Variants in LARGE1 observed in about 807,000 individuals in gnomAD.
The protein encoded by LARGE1 is xylosyl- and glucuronyltransferase LARGE1.
In LARGE1, 43 loss-of-function variants were observed where a neutral mutation model predicts 87.6. The ratio of observed to expected loss-of-function variants is 0.49; its 90% CI spans 0.38 to 0.63. The LOEUF (loss-of-function observed/expected upper bound fraction) is 0.63. Ranked by LOEUF, LARGE1 falls within the 30% of genes least tolerant of loss-of-function variation. The pLI is 0.00. For synonymous variants in LARGE1, 434 were observed against 394.6 expected, an observed-to-expected ratio of 1.10 and a Z score of -1.18; for missense variants, 802 against 1,000.2, an observed-to-expected ratio of 0.80 and a Z score of 2.67.
intron 6 of LARGE1, among the ~76,000 whole-genome samples, chr22:33,525,317 T>C (rs933652243): frequency 2.6e-5 from 4 of 152,160 alleles, no homozygotes; most frequent in East Asian, 1.9e-4. Flanking sequence ...CCCAGGCCCA[T>C]AGTACTGCCT....
intron 7 of LARGE1, among the ~76,000 whole-genome samples, chr22:33,419,932 G>C (rs576037663): frequency 6.6e-6 from 1 of 152,260 alleles, no homozygotes; most frequent in African/African-American, 2.4e-5. Context: ...GACCTCAAGT[G>C]ATCCACTCAC....
At chr22:33,864,332 A>G (rs1204087210) in intron 1 of LARGE1, among the ~76,000 whole-genome samples, 1 of 152,230 alleles carries the variant, frequency 6.6e-6, no homozygotes, top group Non-Finnish European at 1.5e-5. Flanking sequence ...AAGATGCAAT[A>G]AAGTGCTATG....
chr22:33,713,471 C>T (rs979877032), intron 2 of LARGE1, among the ~76,000 whole-genome samples: 4 of 152,130 alleles, frequency 2.6e-5, no homozygotes, highest in African/African-American at 4.8e-5. Flanking sequence ...ATTCCGCGGT[C>T]GCTGGTGGTT....
chr22:33,916,945 CT>C (rs1316275290), intron 1 of LARGE1, among the ~76,000 whole-genome samples: 2 of 152,192 alleles, frequency 1.3e-5, no homozygotes, highest in Non-Finnish European at 2.9e-5. Flanking sequence ...TCTATAAAGT[CT>C]TAATGTTAGA....
intron 13 of LARGE1, among the ~76,000 whole-genome samples, chr22:33,277,887 C>A (rs1371586551): frequency 3.3e-5 from 5 of 152,186 alleles, no homozygotes; most frequent in Non-Finnish European, 7.3e-5. Flanking sequence ...CAGGAATTGA[C>A]TGCAGGTGAG....
At chr22:33,851,684 G>T (rs2063587224) in intron 1 of LARGE1, among the ~76,000 whole-genome samples, 2 of 152,224 alleles carry the variant, frequency 1.3e-5, no homozygotes, top group African/African-American at 4.8e-5. Flanking sequence ...CTCAGCAAGA[G>T]GATGTCAGGA....
At chr22:33,145,483 TG>T in the LARGE1 span, among the ~76,000 whole-genome samples, 1 of 152,206 alleles carries the variant, frequency 6.6e-6, no homozygotes, top group African/African-American at 2.4e-5. Context: ...TCATGAGGAA[TG>T]GTATCCAGGT....
At chr22:33,199,354 T>C (rs370042097) in intron 11 of LARGE1, among the ~76,000 whole-genome samples, 3 of 152,318 alleles carry the variant, frequency 2.0e-5, no homozygotes, top group Admixed American at 1.3e-4. Context: ...AGAAGATTTT[T>C]AGTTTAATTA....
chr22:33,843,950 G>A, intron 1 of LARGE1, among the ~76,000 whole-genome samples: 1 of 151,806 alleles, frequency 6.6e-6, no homozygotes, highest in East Asian at 1.9e-4. Context: ...ATGGTGGTGG[G>A]AACCTATAAT....
chr22:33,465,992 A>C (rs766417893), intron 6 of LARGE1, among the ~76,000 whole-genome samples: 5 of 152,164 alleles, frequency 3.3e-5, no homozygotes, highest in Non-Finnish European at 7.4e-5. Flanking sequence ...TCCCTACTCG[A>C]AAAGTCTAGA....
the LARGE1 span, among the ~76,000 whole-genome samples, chr22:33,114,573 G>A: frequency 3.3e-5 from 5 of 152,184 alleles, no homozygotes; most frequent in African/African-American, 1.2e-4. Context: ...ATCATCCAGA[G>A]ACAGATATTG....
intron 8 of LARGE1, among the ~76,000 whole-genome samples, chr22:33,382,371 T>C (rs988211856): frequency 6.6e-6 from 1 of 152,148 alleles, no homozygotes; most frequent in Non-Finnish European, 1.5e-5. Flanking sequence ...CGAAGTCTCC[T>C]TCCCCTCTGG....
chr22:33,688,774 C>T lies in LARGE1; in HGVS notation c.107-38106G>A, dbSNP rs1029943049. On this transcript the variant is annotated intron_variant, in intron 2 of 14. Coordinates refer to ENST00000397394, the MANE Select transcript of LARGE1 (RefSeq NM_133642.5). ...AGTGGAGGGATGGTCATAAAGCCTT[C>T]CTCCCTTGCTGGGCTGGTCATTAAG... Among the ~76,000 whole-genome samples the T allele has an allele frequency of 4.6e-5, 7 of 152,114 alleles. No individual in the cohort carries two copies. The South Asian group carries it at 6.2e-4, about 14-fold the overall frequency.
At chr22:33,342,203 G>A (rs74660327) in intron 9 of LARGE1, among the ~76,000 whole-genome samples, 3,037 of 152,276 alleles carry the variant, frequency 0.02, 101 homozygotes, top group African/African-American at 0.068. Flanking sequence ...TCGTCTTTGC[G>A]AATGATTCCG....
intron 9 of LARGE1, among the ~76,000 whole-genome samples, chr22:33,366,949 T>C (rs2064617278): frequency 6.6e-6 from 1 of 152,236 alleles, no homozygotes; most frequent in Non-Finnish European, 1.5e-5. Flanking sequence ...TGGTAGAACT[T>C]ATTTCTACTT....
In LARGE1 at chr22:33,638,904, A is replaced by G. The variant is rs985955946; in HGVS notation, c.408+11463T>C. Reference sequence around the variant, plus strand: ...TTAAGGAGTGGTCTGGCATCAGAGGATAACATTCATTCACTTTCCATAATA... The same window carrying G: ...TTAAGGAGTGGTCTGGCATCAGAGGGTAACATTCATTCACTTTCCATAATA... On this transcript the variant is annotated intron_variant, in intron 3 of 14. Coordinates refer to ENST00000397394, the MANE Select transcript of LARGE1 (RefSeq NM_133642.5). Among the ~76,000 whole-genome samples the G allele has an allele frequency of 2.0e-5, 3 of 152,226 alleles. No individual in the cohort carries two copies. In the South Asian group the frequency reaches 6.2e-4, roughly 31 times the overall value.
At chr22:33,814,127 T>C (rs903554800) in intron 1 of LARGE1, among the ~76,000 whole-genome samples, 1 of 152,184 alleles carries the variant, frequency 6.6e-6, no homozygotes, top group African/African-American at 2.4e-5. Flanking sequence ...TAGTATTCAC[T>C]CTTGTTCGAC....
chr22:33,893,539 G>A (rs2065058337), intron 1 of LARGE1, among the ~76,000 whole-genome samples: 1 of 152,164 alleles, frequency 6.6e-6, no homozygotes, highest in South Asian at 2.1e-4. Context: ...ACAGAGCAGG[G>A]TAAAGAAGGC....
At chr22:33,169,745 G>T (rs1024402561) in intron 11 of LARGE1, among the ~76,000 whole-genome samples, 1 of 152,012 alleles carries the variant, frequency 6.6e-6, no homozygotes. Context: ...CAGCTATTAG[G>T]GTGGCTGAGG....
Sources: allele counts gnomAD v4.1 joint callset (sites outside exome capture counted in the v4.1 genomes callset), GRCh38; gene constraint gnomAD v4.1.1; transcripts MANE v1.5; gene names NCBI Gene and HGNC (gene_info 2026-07-23, HGNC 2026-07-21).